SCFD2: variants seen among roughly 807,000 people sequenced by gnomAD.
SCFD2 encodes sec1 family domain-containing protein 2.
Under a neutral mutation model 58.9 loss-of-function variants are expected in SCFD2, and 54 were observed. The ratio of observed to expected loss-of-function variants is 0.92; its 90% CI spans 0.74 to 1.15. The LOEUF (loss-of-function observed/expected upper bound fraction) is 1.15. SCFD2 is among the 50% of genes most tolerant of loss of function. The probability of loss-of-function intolerance (pLI) is 0.00; values close to 1 mark genes in which losing one functional copy is unlikely to be tolerated. For synonymous variants in SCFD2, 321 were observed against 335.9 expected (o/e 0.96, Z 0.49); for missense variants, 805 against 836.6 (o/e 0.96, Z 0.47).
At chr4:53,008,696 G>C (rs1188846727) in intron 5 of SCFD2, among the ~76,000 whole-genome samples, 1 of 152,110 alleles carries the variant, frequency 6.6e-6, no homozygotes, top group Non-Finnish European at 1.5e-5. Context: ...AGAAAAAAAA[G>C]CACAAATCTA....
chr4:53,359,924 A>T (rs1379675236), intron 1 of SCFD2, among the ~76,000 whole-genome samples: 16 of 152,112 alleles, frequency 1.1e-4, no homozygotes, highest in Admixed American at 9.2e-4. Flanking sequence ...GCCTTTTCTC[A>T]TTCACTATTA....
At chr4:53,148,456 C>G (rs1053853113) in intron 4 of SCFD2, among the ~76,000 whole-genome samples, 1 of 152,142 alleles carries the variant, frequency 6.6e-6, no homozygotes, top group African/African-American at 2.4e-5. Context: ...TCTTAAAGAG[C>G]CATCAGAGAT....
chr4:52,954,901 G>A (rs958465406), intron 5 of SCFD2, among the ~76,000 whole-genome samples: 2 of 152,150 alleles, frequency 1.3e-5, no homozygotes, highest in Admixed American at 1.3e-4. Flanking sequence ...CTATCTGTAC[G>A]AGTACACACT....
chr4:52,928,548 G>C (rs1719914053), intron 5 of SCFD2, among the ~76,000 whole-genome samples: 1 of 152,048 alleles, frequency 6.6e-6, no homozygotes. Context: ...AGACAAATAG[G>C]CATGCACGAA....
chr4:53,273,354 T>C (rs1177340961), intron 4 of SCFD2, among the ~76,000 whole-genome samples: 2 of 152,216 alleles, frequency 1.3e-5, no homozygotes, highest in East Asian at 3.8e-4. Flanking sequence ...CATACAAATA[T>C]CTGTATAAAC....
At chr4:53,003,147 C>G (rs778650355) in intron 5 of SCFD2, among the ~76,000 whole-genome samples, 1 of 152,198 alleles carries the variant, frequency 6.6e-6, no homozygotes, top group Non-Finnish European at 1.5e-5. Flanking sequence ...GGACACAGAT[C>G]CAAACCAGAT....
intron 4 of SCFD2, among the ~76,000 whole-genome samples, chr4:53,204,738 A>G (rs1577838068): frequency 6.8e-6 from 1 of 147,714 alleles, no homozygotes; most frequent in African/African-American, 2.5e-5. Context: ...GACCCACAGC[A>G]TGGCTCACAA....
At position 53,250,795 on chromosome 4, in the gene SCFD2, A is replaced by C. The variant is rs183102062; in HGVS notation, c.1311+23031T>G. On this transcript the variant is annotated intron_variant, in intron 4 of 8. Coordinates refer to ENST00000401642, the MANE Select transcript of SCFD2 (RefSeq NM_152540.4). ...TAAATGCCCACAAGAGAAAGCAGGA[A>C]AGATCTAAAATTGACACCCTAACAT... Among the ~76,000 whole-genome samples, 1,356 of 152,348 alleles carry C rather than the reference A, an allele frequency of 8.9e-3. 13 individuals carry two copies. The highest frequency in any genetic ancestry group is 0.048 in the Middle Eastern group (14 of 294).
At chr4:53,210,315 T>C (rs1195927374) in intron 4 of SCFD2, among the ~76,000 whole-genome samples, 1 of 152,132 alleles carries the variant, frequency 6.6e-6, no homozygotes, top group African/African-American at 2.4e-5. Flanking sequence ...AAGATTTGTG[T>C]AGGCCAATAG....
At chr4:53,044,916 C>CCCCCCCCGCCA (rs59844812) in intron 5 of SCFD2, among the ~76,000 whole-genome samples, 3 of 110,288 alleles carry the variant, frequency 2.7e-5, no homozygotes, top group African/African-American at 5.9e-5. Context: ...ACCCCCCCCC[C>CCCCCCCCGCCA]CCGCCCACAA....
chr4:53,361,350 A>G (rs769505503), intron 1 of SCFD2, among the ~76,000 whole-genome samples: 2 of 152,198 alleles, frequency 1.3e-5, no homozygotes, highest in Admixed American at 1.3e-4. Context: ...AGAACACTTA[A>G]CTCAATTTGT....
chr4:53,172,030 A>T (rs183867806), intron 4 of SCFD2, among the ~76,000 whole-genome samples: 5 of 150,962 alleles, frequency 3.3e-5, no homozygotes, highest in Admixed American at 3.3e-4. Context: ...TTATTGAGAC[A>T]GAGTCTCACT....
intron 1 of SCFD2, among the ~76,000 whole-genome samples, chr4:53,354,049 T>A (rs937729119): frequency 1.3e-5 from 2 of 152,256 alleles, no homozygotes; most frequent in African/African-American, 4.8e-5. Context: ...GGGCTGCAGC[T>A]GGAGCTGCCC....
rs150822639 is a variant in SCFD2, at chr4:52,926,180, A to G, written c.1562-5310T>C. Reference sequence around the variant, plus strand: ...CTCTACTCCTTACTCCAGTCTACCTAGTTCTCTTCTGTTTGGTTCTCTCAG... The same window carrying G: ...CTCTACTCCTTACTCCAGTCTACCTGGTTCTCTTCTGTTTGGTTCTCTCAG... On this transcript the variant is annotated intron_variant, in intron 5 of 8. Transcript: ENST00000401642. Among the ~76,000 whole-genome samples the G allele has an allele frequency of 7.4e-4, 112 of 152,134 alleles. 2 individuals are homozygous for G. Among genetic ancestry groups the G allele is most frequent in the African/African-American group, 2.5e-3 (102 of 41,518 alleles).
At position 53,145,058 on chromosome 4, in the gene SCFD2, G is replaced by A. The variant is rs929588613; in HGVS notation, c.1561+275C>T. Among the ~76,000 whole-genome samples the A allele has an allele frequency of 3.9e-5, 6 of 152,274 alleles. No homozygotes were observed. In the East Asian group the frequency reaches 7.7e-4, roughly 20 times the overall value. On this transcript the variant is annotated intron_variant, in intron 5 of 8. Coordinates refer to ENST00000401642, the MANE Select transcript of SCFD2 (RefSeq NM_152540.4). The stretch of plus-strand genomic sequence containing the variant: ...CACATATGAGGGATCTAGGTTGCAT[G>A]CCCCTTATGAGACTCTAACTAATGC...
chr4:52,939,672 T>C (rs1350379570), intron 5 of SCFD2, among the ~76,000 whole-genome samples: 1 of 151,910 alleles, frequency 6.6e-6, no homozygotes, highest in African/African-American at 2.4e-5. Context: ...AAGAGCCATT[T>C]GACTAGGGTA....
rs190402106 is a variant in SCFD2, at chr4:53,298,218, G to A, written c.1135+15418C>T. Among the ~76,000 whole-genome samples, 1,329 of 152,232 alleles carry A rather than the reference G, an allele frequency of 8.7e-3. 18 individuals carry two copies. The highest frequency in any genetic ancestry group is 0.03 in the African/African-American group (1,253 of 41,524). ...TAGTCAAAGAAAGGGGTGACAGACG[G>A]CACCTGGAAAATCAGGTCACTCCCA... On this transcript the variant is annotated intron_variant, in intron 3 of 8. Transcript: ENST00000401642.
chr4:53,042,712 G>A (rs1272841750), intron 5 of SCFD2, among the ~76,000 whole-genome samples: 1 of 148,864 alleles, frequency 6.7e-6, no homozygotes, highest in Non-Finnish European at 1.5e-5. Context: ...GTTTTTTTCA[G>A]CGAATTCAGC....
intron 5 of SCFD2, among the ~76,000 whole-genome samples, chr4:52,968,540 G>A (rs1358361248): frequency 1.3e-5 from 2 of 152,306 alleles, no homozygotes; most frequent in East Asian, 3.9e-4. Context: ...TGTAGCCGTG[G>A]TTGGCTGACA....
Sources: allele counts gnomAD v4.1 joint callset (sites outside exome capture counted in the v4.1 genomes callset), GRCh38; gene constraint gnomAD v4.1.1; transcripts MANE v1.5; gene names NCBI Gene and HGNC (gene_info 2026-07-23, HGNC 2026-07-21).